The following SCUBE3 variants were observed in gnomAD, a reference collection of about 807,000 sequenced individuals.
SCUBE3 encodes the protein signal peptide, CUB and EGF-like domain-containing protein 3.
SCUBE3 carries 33 observed loss-of-function variants against 116.8 expected under a neutral mutation model. The ratio of observed to expected loss-of-function variants is 0.28; its 90% CI spans 0.21 to 0.38. The LOEUF is 0.38. Among genes scored for constraint, SCUBE3 ranks in the 10% least tolerant of loss-of-function variants. The pLI is 1.00. For synonymous variants in SCUBE3, 418 were observed against 496.9 expected (o/e 0.84, Z 2.11); for missense variants, 1,007 against 1,324.8 (o/e 0.76, Z 3.72).
chr6:35,253,012 G>T lies in SCUBE3; in HGVS notation c.*4307G>T, dbSNP rs561466370. 12 of 152,238 alleles carry T rather than the reference G, an allele frequency of 7.9e-5. No homozygotes were observed. Among genetic ancestry groups the T allele is most frequent in the African/African-American group, 2.9e-4 (12 of 41,530 alleles). The allele number at this position is 152,238 out of a possible 1,614,324, so 9.4% of individuals were successfully genotyped here. Reference sequence around the variant, plus strand: ...TTGGGGAAAAATATGTATCTGAATTGTAAAAAGAAATGTTTGGATTTTGTA... The same window carrying T: ...TTGGGGAAAAATATGTATCTGAATTTTAAAAAGAAATGTTTGGATTTTGTA... On this transcript the variant is annotated 3_prime_UTR_variant, in exon 22 of 22. Coordinates refer to ENST00000274938, the MANE Select transcript of SCUBE3 (RefSeq NM_152753.4).
chr6:35,222,818 G>C (rs2150286869), intron 1 of SCUBE3: 1 of 152,326 alleles, frequency 6.6e-6, no homozygotes, highest in South Asian at 2.1e-4. Context: ...CCCACACCAG[G>C]CCTGAAATGG....
At position 35,225,140 on chromosome 6, in the gene SCUBE3, G is replaced by A. The variant is rs149628105; in HGVS notation, c.86-2440G>A. 3.3e-5 allele frequency among the ~76,000 whole-genome samples: 5 copies of A among 152,194 alleles called. No individual in the cohort carries two copies. In the East Asian group the frequency reaches 7.7e-4, roughly 23 times the overall value. ...AATACCATCTCAAGCTTCCTGTATT[G>A]GGACCCTACTGTTTACCAGATACTT... On this transcript the variant is annotated intron_variant, in intron 1 of 21. Coordinates refer to ENST00000274938, the MANE Select transcript of SCUBE3 (RefSeq NM_152753.4).
chr6:35,236,405 T>C (rs1296946892), intron 6 of SCUBE3, among the ~76,000 whole-genome samples: 1 of 152,154 alleles, frequency 6.6e-6, no homozygotes, highest in East Asian at 1.9e-4. Context: ...TCTGTGCCCC[T>C]CCCCCTGCTC....
rs367986099 is a variant in SCUBE3 at position 35,243,752 on chromosome 6, G to A, written c.2068G>A (p.Ala690Thr). ...TGGAGCCACCAACGTCACCACGTGT[G>A]CAGGTGCCAGGGGAACAAACAATAC... Reference protein sequence around the residue: ...PLGATNVTTCAGQCPPGQHSV... With the variant: ...PLGATNVTTCTGQCPPGQHSV... Residue 690 changes from alanine (A) to threonine (T), a missense_variant, in exon 16 of 22, where the codon GCA (alanine) becomes ACA (threonine). By Grantham distance (58) the Ala-to-Thr change is moderately conservative. Around this residue, in one of 5 missense-constraint regions of SCUBE3, gnomAD observed 544 missense variants for 638.9 expected, o/e 0.85. Coordinates refer to ENST00000274938, the MANE Select transcript of SCUBE3 (RefSeq NM_152753.4). This position sits in a 1 kb window ranked among gnomAD's most constrained non-coding sequence, Gnocchi z 6.6. 1.9e-6 allele frequency: 3 copies of A among 1,613,844 alleles called. No individual in the cohort carries two copies. Among genetic ancestry groups the A allele is most frequent in the Non-Finnish European group, 8.5e-7 (1 of 1,179,790 alleles).
At position 35,235,551 on chromosome 6, in the gene SCUBE3, C is replaced by T; in HGVS notation, c.712+2250C>T. 1 of 1,003,868 alleles carries T rather than the reference C, an allele frequency of 1.0e-6. No individual in the cohort carries two copies. Among genetic ancestry groups the T allele is most frequent in the East Asian group, 6.0e-5 (1 of 16,742 alleles). 62.2% of individuals were successfully genotyped at this position (1,003,868 alleles called of 1,614,324 possible). A position where few individuals can be genotyped will look rare whatever the true frequency, so the allele number is the denominator to read the frequency against. On this transcript the variant is annotated intron_variant, in intron 6 of 21. Coordinates refer to ENST00000274938, the MANE Select transcript of SCUBE3 (RefSeq NM_152753.4). This position sits in a 1 kb window ranked among gnomAD's most constrained non-coding sequence, Gnocchi z 4.5. ...CTGGCTTGCTAGGGGAAGGGCTAAC[C>T]CGCTGGGGCTCCCACTAACTGCATG...
chr6:35,233,422 G>C lies in SCUBE3; in HGVS notation c.712+121G>C. 1 of 679,900 alleles carries C rather than the reference G, an allele frequency of 1.5e-6. No homozygotes were observed. The highest frequency in any genetic ancestry group is 1.8e-5 in the South Asian group (1 of 56,524). The allele number at this position is 679,900 out of a possible 1,614,324, so 42.1% of individuals were successfully genotyped here. A position where few individuals can be genotyped will look rare whatever the true frequency, so the allele number is the denominator to read the frequency against. On this transcript the variant is annotated intron_variant, in intron 6 of 21. Coordinates refer to ENST00000274938, the MANE Select transcript of SCUBE3 (RefSeq NM_152753.4). This position sits in a 1 kb window ranked among gnomAD's most constrained non-coding sequence, Gnocchi z 5.7. ...GTGCTGGGCACAGAGGGACTGGTGA[G>C]GGAGTTAAGACCCAGAAAATGCCAG...
chr6:35,244,727 G>T lies in SCUBE3; in HGVS notation c.2317G>T (p.Asp773Tyr), dbSNP rs139323019. 1.2e-6 allele frequency: 2 copies of T among 1,614,044 alleles called. No individual in the cohort carries two copies. The highest frequency in any genetic ancestry group is 1.7e-5 in the Admixed American group (1 of 60,000). The part of the protein sequence containing the change: ...IRCAMGSYQP[D>Y]FRQNFCSRCP... The stretch of plus-strand genomic sequence containing the variant: ...CTGTGCCATGGGCTCCTATCAGCCC[G>T]ACTTCCGTCAGAACTTCTGCAGCCG... Residue 773 changes from aspartate (D) to tyrosine (Y), a missense_variant, in exon 18 of 22, where the codon GAC becomes TAC. By Grantham distance (160) the Asp-to-Tyr change is radical (BLOSUM62 -3). This residue lies in a region of SCUBE3 where 544 missense variants were observed against 638.9 expected (regional missense o/e 0.85). Coordinates refer to ENST00000274938, the MANE Select transcript of SCUBE3 (RefSeq NM_152753.4). The surrounding 1 kb of genome is among the most constrained non-coding windows in gnomAD (Gnocchi z 4.3).
chr6:35,233,371 G>A lies in SCUBE3; in HGVS notation c.712+70G>A. On this transcript the variant is annotated intron_variant, in intron 6 of 21. Transcript: ENST00000274938. The surrounding 1 kb of genome is among the most constrained non-coding windows in gnomAD (Gnocchi z 5.7). ...GGGGTGGGACCCTTTGGGAACCAGG[G>A]AAGTGGAGGAGTGCATGGGGCCCAG... 1.0e-6 allele frequency: 1 copy of A among 954,332 alleles called. No individual in the cohort carries two copies. Among genetic ancestry groups the A allele is most frequent in the Non-Finnish European group, 1.7e-6 (1 of 587,902 alleles). 59.1% of individuals were successfully genotyped at this position (954,332 alleles called of 1,614,324 possible).
chr6:35,234,349 T>A (rs1359146896), intron 6 of SCUBE3, among the ~76,000 whole-genome samples: 5 of 152,100 alleles, frequency 3.3e-5, no homozygotes, highest in Admixed American at 3.3e-4. Context: ...ATCAGAGACA[T>A]GACATTAACT....
chr6:35,235,610 G>A lies in SCUBE3; in HGVS notation c.713-2292G>A, dbSNP rs1286443212. ...GCCCAGCCTGACTGGGCCCCAACTTGCCAGCAGGGCTATCCTGGCAGCCAG... is the reference window on the plus strand; with the variant it reads ...GCCCAGCCTGACTGGGCCCCAACTTACCAGCAGGGCTATCCTGGCAGCCAG... On this transcript the variant is annotated intron_variant, in intron 6 of 21. Coordinates refer to ENST00000274938, the MANE Select transcript of SCUBE3 (RefSeq NM_152753.4). The surrounding 1 kb of genome is among the most constrained non-coding windows in gnomAD (Gnocchi z 4.5). The A allele has an allele frequency of 1.7e-5, 8 of 475,736 alleles. No individual in the cohort carries two copies. The highest frequency in any genetic ancestry group is 3.0e-5 in the Non-Finnish European group (8 of 264,416). 29.5% of individuals were successfully genotyped at this position (475,736 alleles called of 1,614,324 possible).
intron 20 of SCUBE3, 41 bp from the exon 21 acceptor site, chr6:35,246,165 A>G: frequency 6.2e-7 from 1 of 1,611,196 alleles, no homozygotes. Context: ...GAGCAGGAAG[A>G]GCTCCCGCCC....
chr6:35,214,452 C>T lies in SCUBE3; in HGVS notation c.34C>T (p.Leu12Phe), dbSNP rs756004884. 9 of 1,507,046 alleles carry T rather than the reference C, an allele frequency of 6.0e-6. No individual in the cohort carries two copies. In the African/African-American group the frequency reaches 7.1e-5, roughly 12 times the overall value. The allele number at this position is 1,507,046 out of a possible 1,614,324, so 93.4% of individuals were successfully genotyped here. ...GSGRVPGLCL[L>F]VLLVHARAAQ... ...GGGGCGCGTACCCGGGCTCTGCCTGCTTGTCCTGCTGGTCCACGCCCGCGC... is the reference window on the plus strand; with the variant it reads ...GGGGCGCGTACCCGGGCTCTGCCTGTTTGTCCTGCTGGTCCACGCCCGCGC... The change falls in exon 1 of 22, where the codon CTT (leucine) becomes TTT (phenylalanine). Residue 12 changes from leucine (L) to phenylalanine (F), a missense_variant. Physicochemically the swap from Leu to Phe is conservative, Grantham distance 22. This residue lies in a region of SCUBE3 where 94 missense variants were observed against 92.0 expected (regional missense o/e 1.02). Coordinates refer to ENST00000274938, the MANE Select transcript of SCUBE3 (RefSeq NM_152753.4). This position sits in a 1 kb window ranked among gnomAD's most constrained non-coding sequence, Gnocchi z 6.3.
At chr6:35,224,864 C>A (rs1037552813) in intron 1 of SCUBE3, among the ~76,000 whole-genome samples, 4 of 152,138 alleles carry the variant, frequency 2.6e-5, no homozygotes, top group Middle Eastern at 3.4e-3. Context: ...GCTGCTGGAC[C>A]CAGGGAGTAT....
intron 6 of SCUBE3, among the ~76,000 whole-genome samples, chr6:35,234,363 G>A (rs1406579162): frequency 6.6e-6 from 1 of 152,152 alleles, no homozygotes; most frequent in East Asian, 1.9e-4. Context: ...ATTAACTGAG[G>A]AACTAGACTT....
chr6:35,217,492 G>A (rs999578270), intron 1 of SCUBE3, among the ~76,000 whole-genome samples: 4 of 150,626 alleles, frequency 2.7e-5, no homozygotes, highest in East Asian at 2.0e-4. Flanking sequence ...GACTGAGAGC[G>A]TTCATGTGGT....
Position 35,244,188 on chromosome 6 carries a change from C to A in SCUBE3, c.2239+58C>A. 6.7e-7 allele frequency: 1 copy of A among 1,482,914 alleles called. No homozygotes were observed. Among genetic ancestry groups the A allele is most frequent in the Non-Finnish European group, 9.2e-7 (1 of 1,083,900 alleles). 91.9% of individuals were successfully genotyped at this position (1,482,914 alleles called of 1,614,324 possible). ...CCCAACCCCAACTACTCCCAAAAAACTCTCCAATTTCCCAGAGGGGACACT... is the reference window on the plus strand; with the variant it reads ...CCCAACCCCAACTACTCCCAAAAAAATCTCCAATTTCCCAGAGGGGACACT... On this transcript the variant is annotated intron_variant, in intron 17 of 21. Transcript: ENST00000274938. The surrounding 1 kb of genome is among the most constrained non-coding windows in gnomAD (Gnocchi z 4.3).
At chr6:35,246,703 T>C (rs1784353812) in intron 21 of SCUBE3, among the ~76,000 whole-genome samples, 1 of 152,230 alleles carries the variant, frequency 6.6e-6, no homozygotes, top group Non-Finnish European at 1.5e-5. Flanking sequence ...AGGCTGCGTG[T>C]GGTGGTTCAC....
In SCUBE3 at chr6:35,214,333, C is replaced by A. The variant is rs918752694; in HGVS notation, c.-86C>A. On this transcript the variant is annotated 5_prime_UTR_variant, in exon 1 of 22. Transcript: ENST00000274938. This position sits in a 1 kb window ranked among gnomAD's most constrained non-coding sequence, Gnocchi z 6.3. ...CGGCGGGGCGCCCCCTCCCCTCCCC[C>A]TCCTGCGAGCTGGGATCCGGCCGGC... 35 of 819,844 alleles carry A rather than the reference C, an allele frequency of 4.3e-5. No individual in the cohort carries two copies. Among genetic ancestry groups the A allele is most frequent in the Admixed American group, 8.5e-5 (2 of 23,418 alleles). The allele number at this position is 819,844 out of a possible 1,614,324, so 50.8% of individuals were successfully genotyped here. A position where few individuals can be genotyped will look rare whatever the true frequency, so the allele number is the denominator to read the frequency against.
In SCUBE3 at chr6:35,231,872, C is replaced by T; in HGVS notation, c.469+13C>T. 3 of 1,598,934 alleles carry T rather than the reference C, an allele frequency of 1.9e-6. No homozygotes were observed. Among genetic ancestry groups the T allele is most frequent in the South Asian group, 1.1e-5 (1 of 90,126 alleles). ...CAGCGGCCAGAAGGTCAGCCCATGA[C>T]CTGGGATGGCCCCATCCCTGCCCTC... On this transcript the variant is annotated intron_variant, in intron 4 of 21. Coordinates refer to ENST00000274938, the MANE Select transcript of SCUBE3 (RefSeq NM_152753.4). This position sits in a 1 kb window ranked among gnomAD's most constrained non-coding sequence, Gnocchi z 4.2.
Sources: gnomAD v4.1 joint callset for allele counts (sites outside exome capture counted in the v4.1 genomes callset) on GRCh38, gnomAD v4.1.1 for gene constraint, gnomAD v4.1.1 regional missense constraint, Gnocchi (gnomAD v3.1) non-coding constraint, MANE v1.5 for transcripts, NCBI Gene and HGNC (gene_info 2026-07-23, HGNC 2026-07-21) for gene names.